Variants in MTMR2 observed in about 807,000 individuals in gnomAD.
MTMR2 encodes the protein myotubularin related protein 2, also known as phosphatidylinositol-3,5-bisphosphate 3-phosphatase MTMR2.
In MTMR2, 55 loss-of-function variants were observed where a neutral mutation model predicts 86.9. The ratio of observed to expected loss-of-function variants is 0.63; its 90% CI spans 0.51 to 0.79. The LOEUF (loss-of-function observed/expected upper bound fraction) is 0.79. Ranked by LOEUF, MTMR2 falls within the 30% of genes least tolerant of loss-of-function variation. The probability of loss-of-function intolerance (pLI) is 0.00; values close to 1 mark genes in which losing one functional copy is unlikely to be tolerated. For synonymous variants in MTMR2, 241 were observed against 266.8 expected (o/e 0.90, Z 0.94); for missense variants, 659 against 772.3 (o/e 0.85, Z 1.74).
chr11:95,895,608 G>A (rs1277820024), intron 1 of MTMR2, among the ~76,000 whole-genome samples: 1 of 152,100 alleles, frequency 6.6e-6, no homozygotes, highest in East Asian at 1.9e-4. Flanking sequence ...AATAGCAGGT[G>A]TTGGCAAAGA....
chr11:95,909,786 A>C (rs1462339199), intron 1 of MTMR2, among the ~76,000 whole-genome samples: 2 of 152,172 alleles, frequency 1.3e-5, no homozygotes, highest in African/African-American at 4.8e-5. Context: ...TTTAATAAGG[A>C]TCAAAAAGCA....
At chr11:95,900,603 C>T (rs1230484832) in intron 1 of MTMR2, among the ~76,000 whole-genome samples, 1 of 151,788 alleles carries the variant, frequency 6.6e-6, no homozygotes, top group African/African-American at 2.4e-5. Flanking sequence ...TCCAAACGCA[C>T]CCTTCCTTCC....
At chr11:95,839,539 G>A (rs556347624) in intron 12 of MTMR2, among the ~76,000 whole-genome samples, 1 of 152,112 alleles carries the variant, frequency 6.6e-6, no homozygotes, top group African/African-American at 2.4e-5. Flanking sequence ...AAAATAGCAG[G>A]GCATTAACTG....
intron 1 of MTMR2, among the ~76,000 whole-genome samples, chr11:95,905,337 A>AGTG (rs1866224988): frequency 4.7e-5 from 6 of 127,602 alleles, no homozygotes; most frequent in African/African-American, 3.1e-5. Context: ...CTGCGCACAC[A>AGTG]CACACACACA....
At position 95,845,037 on chromosome 11, in the gene MTMR2, C is replaced by T. The variant is rs1291972460; in HGVS notation, c.1302G>A (p.Met434Ile). The T allele has an allele frequency of 6.2e-7, 1 of 1,613,982 alleles. No individual in the cohort carries two copies. Among genetic ancestry groups the T allele is most frequent in the South Asian group, 1.1e-5 (1 of 91,088 alleles). The change falls in exon 11 of 15, where the codon ATG becomes ATA. Residue 434 changes from methionine to isoleucine, a missense_variant. Physicochemically the swap from Met to Ile is conservative, Grantham distance 10. Transcript: ENST00000346299. ...GGATGGTTCGATAGTATCCATCCAA[C>T]ATGAGCATGGCAAGGGAAGTGAGCT... is the stretch of plus-strand genomic sequence containing the variant. ...TAQLTSLAMLMLDGYYRTIRG... is the reference protein window; with the variant it reads ...TAQLTSLAMLILDGYYRTIRG...
At chr11:95,847,925 A>G (rs760173554) in intron 9 of MTMR2, 26 bp from the exon 10 acceptor site, 6 of 1,578,836 alleles carry the variant, frequency 3.8e-6, no homozygotes, top group South Asian at 3.3e-5. Context: ...CATCATGGAA[A>G]ATCATAAATG....
At chr11:95,906,354 C>T (rs879464873) in intron 1 of MTMR2, among the ~76,000 whole-genome samples, 1 of 152,126 alleles carries the variant, frequency 6.6e-6, no homozygotes, top group Non-Finnish European at 1.5e-5. Flanking sequence ...CTCAACTATC[C>T]TAAATATATA....
chr11:95,862,235 C>CGT, intron 4 of MTMR2, 37 bp downstream of exon 4: 1 of 1,558,148 alleles, frequency 6.4e-7, no homozygotes, highest in Non-Finnish European at 8.8e-7. Context: ...ACAAACAACA[C>CGT]ACTCATGTAC....
intron 7 of MTMR2, among the ~76,000 whole-genome samples, chr11:95,855,166 C>T (rs1380265799): frequency 1.3e-5 from 2 of 152,096 alleles, no homozygotes; most frequent in African/African-American, 4.8e-5. Context: ...ATAATCACTA[C>T]ATACTGTATA....
intron 1 of MTMR2, among the ~76,000 whole-genome samples, chr11:95,923,420 G>C (rs1867005696): frequency 6.6e-6 from 1 of 152,128 alleles, no homozygotes; most frequent in Non-Finnish European, 1.5e-5. Context: ...GCCATGAAAA[G>C]AGAGAAAAGG....
chr11:95,880,516 A>G (rs1005350051), intron 2 of MTMR2, among the ~76,000 whole-genome samples: 3 of 151,984 alleles, frequency 2.0e-5, no homozygotes, highest in Non-Finnish European at 2.9e-5. Context: ...ATATTGCTAT[A>G]TTTCTCTCTA....
intron 8 of MTMR2, among the ~76,000 whole-genome samples, 179 bp downstream of exon 8, chr11:95,850,421 A>T (rs1376232109): frequency 3.3e-5 from 5 of 152,196 alleles, no homozygotes; most frequent in Non-Finnish European, 7.3e-5. Context: ...ACTCTCTGGA[A>T]GCCTCTTTAA....
chr11:95,924,045 C>G lies in MTMR2; in HGVS notation c.-91G>C. 6.7e-7 allele frequency: 1 copy of G among 1,502,526 alleles called. No homozygotes were observed. Among genetic ancestry groups the G allele is most frequent in the Non-Finnish European group, 9.1e-7 (1 of 1,104,856 alleles). The allele number at this position is 1,502,526 out of a possible 1,614,324, so 93.1% of individuals were successfully genotyped here. A position where few individuals can be genotyped will look rare whatever the true frequency, so the allele number is the denominator to read the frequency against. On this transcript the variant is annotated 5_prime_UTR_variant, in exon 1 of 15. Coordinates refer to ENST00000346299, the MANE Select transcript of MTMR2 (RefSeq NM_016156.6). ...GAGGGCGGAGTGCTACGGACCGGGG[C>G]CGCAGTCAGGCCAGCGCCGGCCCGG...
chr11:95,891,707 T>C (rs1224792527), intron 1 of MTMR2, among the ~76,000 whole-genome samples: 2 of 152,216 alleles, frequency 1.3e-5, no homozygotes, highest in Admixed American at 1.3e-4. Context: ...AATGTATATT[T>C]CTGTATAACC....
chr11:95,882,732 T>C lies in MTMR2; in HGVS notation c.186+5424A>G, dbSNP rs558971979. Among the ~76,000 whole-genome samples the C allele has an allele frequency of 2.5e-3, 370 of 149,776 alleles. 1 individual carries two copies. The highest frequency in any genetic ancestry group is 0.024 in the Middle Eastern group (7 of 292). On this transcript the variant is annotated intron_variant, in intron 2 of 14. Transcript: ENST00000346299. Reference sequence around the variant, plus strand: ...ACATAATTATTTTGTGTTGTTTTTTTTTTTTTTTGAGACAGAGTCTCACTC... The same window carrying C: ...ACATAATTATTTTGTGTTGTTTTTTCTTTTTTTTGAGACAGAGTCTCACTC...
At chr11:95,839,556 T>C (rs917815406) in intron 12 of MTMR2, among the ~76,000 whole-genome samples, 2 of 152,136 alleles carry the variant, frequency 1.3e-5, no homozygotes, top group Non-Finnish European at 2.9e-5. Context: ...ACTGCAGCTA[T>C]TGCTTTTAAA....
At chr11:95,913,548 C>T (rs948005845) in intron 1 of MTMR2, among the ~76,000 whole-genome samples, 3 of 152,090 alleles carry the variant, frequency 2.0e-5, no homozygotes, top group African/African-American at 7.2e-5. Flanking sequence ...TAAATGTTCA[C>T]CAAGTTCACA....
rs576363690 is a variant in MTMR2 at position 95,865,434 on chromosome 11, G to C, written c.262+167C>G. 5.3e-4 allele frequency: 373 copies of C among 707,846 alleles called. 5 individuals carry two copies. Among genetic ancestry groups the C allele is most frequent in the South Asian group, 3.6e-3 (222 of 62,428 alleles). The allele number at this position is 707,846 out of a possible 1,614,324, so 43.8% of individuals were successfully genotyped here. Reference sequence around the variant, plus strand: ...ACACAAACACTAGCAGCGGGTCTAGGCTTACGTTTGTAGAACACACTAAGA... The same window carrying C: ...ACACAAACACTAGCAGCGGGTCTAGCCTTACGTTTGTAGAACACACTAAGA... On this transcript the variant is annotated intron_variant, in intron 3 of 14. Transcript: ENST00000346299.
At position 95,924,067 on chromosome 11, in the gene MTMR2, C is replaced by G. The variant is rs563256142; in HGVS notation, c.-113G>C. Reference sequence around the variant, plus strand: ...GGGCCGCAGTCAGGCCAGCGCCGGCCCGGGAGGGAGACCGGAAGCGGCCAT... The same window carrying G: ...GGGCCGCAGTCAGGCCAGCGCCGGCGCGGGAGGGAGACCGGAAGCGGCCAT... On this transcript the variant is annotated 5_prime_UTR_variant, in exon 1 of 15. Transcript: ENST00000346299. The G allele has an allele frequency of 2.9e-5, 40 of 1,384,962 alleles. No individual in the cohort carries two copies. The South Asian group carries it at 4.5e-4, about 15-fold the overall frequency. 85.8% of individuals were successfully genotyped at this position (1,384,962 alleles called of 1,614,324 possible).
Sources: gnomAD v4.1 joint callset for allele counts (sites outside exome capture counted in the v4.1 genomes callset) on GRCh38, gnomAD v4.1.1 for gene constraint, MANE v1.5 for transcripts, NCBI Gene and HGNC (gene_info 2026-07-23, HGNC 2026-07-21) for gene names.